NTN1: variants seen among roughly 807,000 people sequenced by gnomAD.
NTN1 encodes netrin-1.
Under a neutral mutation model 54.2 loss-of-function variants are expected in NTN1, and 11 were observed. The ratio of observed to expected loss-of-function variants is 0.20; its 90% CI spans 0.13 to 0.34. The LOEUF (loss-of-function observed/expected upper bound fraction) is 0.34. Ranked by LOEUF, NTN1 falls within the 10% of genes least tolerant of loss-of-function variation. The pLI, the probability that NTN1 is intolerant of heterozygous loss-of-function variation, is 1.00. For missense variants in NTN1, 740 were observed against 893.1 expected (o/e 0.83, Z 2.18); for synonymous variants, 371 against 382.0 (o/e 0.97, Z 0.33).
intron 4 of NTN1, among the ~76,000 whole-genome samples, chr17:9,181,854 C>G (rs573956148): frequency 4.6e-5 from 7 of 152,330 alleles, no homozygotes; most frequent in South Asian, 4.1e-4. Context: ...AAAGAGGAAG[C>G]CTGAGCTTCA....
chr17:9,144,724 C>T (rs1285816639), intron 2 of NTN1, among the ~76,000 whole-genome samples: 1 of 152,268 alleles, frequency 6.6e-6, no homozygotes, highest in Non-Finnish European at 1.5e-5. Flanking sequence ...CACCTCGCTC[C>T]CCGGCCTCCC....
chr17:9,027,119 C>A (rs1318852605), intron 2 of NTN1, among the ~76,000 whole-genome samples: 3 of 152,078 alleles, frequency 2.0e-5, no homozygotes, highest in African/African-American at 7.3e-5. Context: ...GGAGGTGTTG[C>A]CATGAGAAAT....
chr17:9,064,128 A>C (rs2092007583), intron 2 of NTN1, among the ~76,000 whole-genome samples: 1 of 152,188 alleles, frequency 6.6e-6, no homozygotes, highest in African/African-American at 2.4e-5. Context: ...GTGGAAACCA[A>C]ACATTCCATG....
upstream of NTN1, among the ~76,000 whole-genome samples, chr17:9,018,684 G>A (rs1369941662): frequency 1.3e-5 from 2 of 149,944 alleles, no homozygotes; most frequent in African/African-American, 4.9e-5. Flanking sequence ...GGAAGGCTTG[G>A]AAAGCACTTC....
At chr17:9,016,843 C>T (rs1162576484), upstream of NTN1, among the ~76,000 whole-genome samples, 3 of 152,244 alleles carry the variant, frequency 2.0e-5, no homozygotes, top group African/African-American at 7.2e-5. Flanking sequence ...CTGGGCGCTG[C>T]TGGGGAAGAG....
chr17:9,083,477 G>A (rs1219196232), intron 2 of NTN1, among the ~76,000 whole-genome samples: 4 of 152,226 alleles, frequency 2.6e-5, no homozygotes, highest in African/African-American at 4.8e-5. Flanking sequence ...CATTTTCCTG[G>A]CTACAGGAAT....
intron 2 of NTN1, among the ~76,000 whole-genome samples, chr17:9,063,611 A>G (rs1348425648): frequency 1.3e-5 from 2 of 151,424 alleles, no homozygotes; most frequent in East Asian, 3.9e-4. Flanking sequence ...GCAGTGGCGC[A>G]ATCTCAGCTC....
chr17:9,123,500 G>A lies in NTN1; in HGVS notation c.1019-39313G>A, dbSNP rs992157679. Among the ~76,000 whole-genome samples the A allele has an allele frequency of 3.3e-5, 5 of 152,246 alleles. No individual in the cohort carries two copies. In the East Asian group the frequency reaches 5.8e-4, roughly 18 times the overall value. ...GTTAAAGTTGCCGTCTATTAGATAC[G>A]TATTTTACAGTTTTTACTTTCAGTA... On this transcript the variant is annotated intron_variant, in intron 2 of 6. Transcript: ENST00000173229.
chr17:9,077,351 T>C (rs796425167), intron 2 of NTN1, among the ~76,000 whole-genome samples: 12 of 151,682 alleles, frequency 7.9e-5, no homozygotes, highest in African/African-American at 2.9e-4. Flanking sequence ...AAATCAGAGG[T>C]GAGAGGGAAG....
At chr17:9,141,167 G>GAT (rs909396903) in intron 2 of NTN1, among the ~76,000 whole-genome samples, 8 of 151,992 alleles carry the variant, frequency 5.3e-5, no homozygotes, top group Admixed American at 5.2e-4. Flanking sequence ...GGGGACTAGA[G>GAT]ATATATATTT....
At chr17:9,117,912 C>T (rs190740767) in intron 2 of NTN1, among the ~76,000 whole-genome samples, 1,547 of 152,222 alleles carry the variant, frequency 0.01, 11 homozygotes, top group Non-Finnish European at 0.015. Context: ...TACCATCTGC[C>T]ACCTTTTTGT....
chr17:9,077,916 G>T (rs2092056868), intron 2 of NTN1, among the ~76,000 whole-genome samples: 1 of 152,202 alleles, frequency 6.6e-6, no homozygotes, highest in South Asian at 2.1e-4. Context: ...TGTGGGGATT[G>T]TGGAGGTCAT....
rs921706242 is a variant in NTN1 at position 9,210,256 on chromosome 17, C to G, written c.1412-10912C>G. On this transcript the variant is annotated intron_variant, in intron 5 of 6. Transcript: ENST00000173229. ...CCCTCTTCCCTCAGACCTTCCTGCC[C>G]TGCCTCCTTTGCACCGTTTAGGTCT... 3.3e-5 allele frequency among the ~76,000 whole-genome samples: 5 copies of G among 152,248 alleles called. No individual in the cohort carries two copies. In the East Asian group the frequency reaches 9.7e-4, roughly 30 times the overall value.
intron 2 of NTN1, among the ~76,000 whole-genome samples, chr17:9,115,649 G>A (rs2092208934): frequency 6.6e-6 from 1 of 152,262 alleles, no homozygotes; most frequent in Admixed American, 6.5e-5. Context: ...GGCAAGAGCC[G>A]AGGTCTGTGC....
chr17:9,007,805 C>T, the NTN1 span, among the ~76,000 whole-genome samples: 1 of 152,054 alleles, frequency 6.6e-6, no homozygotes, highest in Non-Finnish European at 1.5e-5. Context: ...GATCATGCCT[C>T]ATTGTAACCT....
intron 2 of NTN1, among the ~76,000 whole-genome samples, chr17:9,153,949 T>C (rs1471214989): frequency 6.6e-6 from 1 of 152,184 alleles, no homozygotes; most frequent in Non-Finnish European, 1.5e-5. Context: ...TCTAGGAGAC[T>C]GTTTGTCAAT....
intron 2 of NTN1, among the ~76,000 whole-genome samples, chr17:9,067,380 T>G (rs2092018755): frequency 6.6e-6 from 1 of 152,250 alleles, no homozygotes; most frequent in Admixed American, 6.5e-5. Context: ...GTATGTGTTC[T>G]GGGTGAGCCA....
chr17:9,168,074 A>C (rs2092377784), intron 3 of NTN1, among the ~76,000 whole-genome samples: 2 of 152,140 alleles, frequency 1.3e-5, no homozygotes, highest in Non-Finnish European at 2.9e-5. Flanking sequence ...GAGAATAAGA[A>C]ATGAGGATGG....
At chr17:9,064,453 G>A (rs573993211) in intron 2 of NTN1, among the ~76,000 whole-genome samples, 4 of 152,170 alleles carry the variant, frequency 2.6e-5, no homozygotes, top group Admixed American at 6.5e-5. Context: ...CTTCTGCGTC[G>A]ATGCCTCATG....
Sources: gnomAD v4.1 joint callset for allele counts (sites outside exome capture counted in the v4.1 genomes callset) on GRCh38, gnomAD v4.1.1 for gene constraint, MANE v1.5 for transcripts, NCBI Gene and HGNC (gene_info 2026-07-23, HGNC 2026-07-21) for gene names.